Variants in EFCAB6 observed in about 807,000 individuals in gnomAD.
EFCAB6 encodes the protein EF-hand calcium-binding domain-containing protein 6.
A neutral mutation model predicts 169.8 loss-of-function variants in EFCAB6; 156 were observed. That is an observed-to-expected ratio of 0.92 (90% CI 0.81 to 1.05). The LOEUF (loss-of-function observed/expected upper bound fraction) is 1.05, where lower values mean the gene tolerates loss of function less well. EFCAB6 is among the 50% of genes least tolerant of loss of function. The pLI is 0.00. For synonymous variants in EFCAB6, 698 were observed against 676.4 expected (o/e 1.03, Z -0.50); for missense variants, 1,800 against 1,829.1 (o/e 0.98, Z 0.29).
intron 26 of EFCAB6, among the ~76,000 whole-genome samples, chr22:43,575,040 C>T (rs185011497): frequency 6.6e-6 from 1 of 152,280 alleles, no homozygotes; most frequent in East Asian, 1.9e-4. Flanking sequence ...CACAAGGAGA[C>T]AAGCACAGAA....
intron 17 of EFCAB6, among the ~76,000 whole-genome samples, chr22:43,644,192 G>A (rs1209510602): frequency 1.3e-5 from 2 of 152,072 alleles, no homozygotes; most frequent in Non-Finnish European, 2.9e-5. Flanking sequence ...GTGACCAAAC[G>A]GAAGGGACAG....
At chr22:43,730,026 T>C (rs1329476556) in intron 8 of EFCAB6, among the ~76,000 whole-genome samples, 1 of 149,972 alleles carries the variant, frequency 6.7e-6, no homozygotes, top group Non-Finnish European at 1.5e-5. Context: ...TAGCCAGGCA[T>C]GGTGGTGCAT....
chr22:43,578,391 G>A (rs1012931384), intron 25 of EFCAB6, among the ~76,000 whole-genome samples: 2 of 152,220 alleles, frequency 1.3e-5, no homozygotes, highest in Non-Finnish European at 2.9e-5. Flanking sequence ...GAGGTGTTGA[G>A]TGGATCTTTC....
chr22:43,589,729 A>T (rs1242579167), intron 24 of EFCAB6, among the ~76,000 whole-genome samples: 1 of 152,204 alleles, frequency 6.6e-6, no homozygotes, highest in Non-Finnish European at 1.5e-5. Context: ...CAGAGGTTGC[A>T]GTGAGCTGAG....
intron 17 of EFCAB6, among the ~76,000 whole-genome samples, chr22:43,659,229 C>T (rs1467949049): frequency 6.6e-6 from 1 of 152,138 alleles, no homozygotes; most frequent in Non-Finnish European, 1.5e-5. Flanking sequence ...TGTGTTTTTC[C>T]CCCTCACATA....
rs2054690827 is a variant in EFCAB6 at position 43,628,533 on chromosome 22, T to C, written c.2233-1854A>G. Among the ~76,000 whole-genome samples, 1 of 152,072 alleles carries C rather than the reference T, an allele frequency of 6.6e-6. No individual in the cohort carries two copies. The highest frequency in any genetic ancestry group is 6.5e-5 in the Admixed American group (1 of 15,276). On this transcript the variant is annotated intron_variant, in intron 19 of 31. Transcript: ENST00000262726. This position sits in a 1 kb window ranked among gnomAD's most constrained non-coding sequence, Gnocchi z 4.8. ...ATGAGGCGCCTCTGCTCAACCCCCT[T>C]GACTCTCCTTCTCACTCAGAGTCCA...
At chr22:43,678,264 G>T in intron 12 of EFCAB6, 101 bp from the exon 13 acceptor site, 1 of 1,197,748 alleles carries the variant, frequency 8.3e-7, no homozygotes, top group Non-Finnish European at 1.2e-6. Flanking sequence ...AGCGAGCTTT[G>T]GCCAAATAGA....
At chr22:43,808,341 T>A (rs867078280) in intron 2 of EFCAB6, among the ~76,000 whole-genome samples, 4 of 152,324 alleles carry the variant, frequency 2.6e-5, no homozygotes, top group Non-Finnish European at 4.4e-5. Context: ...CTCCCACAGA[T>A]ACTGAGGGAC....
chr22:43,686,793 C>T (rs531877393), intron 11 of EFCAB6, among the ~76,000 whole-genome samples: 1 of 152,084 alleles, frequency 6.6e-6, no homozygotes, highest in Non-Finnish European at 1.5e-5. Context: ...GATTATAAAG[C>T]CTGTTTTTTT....
chr22:43,811,222 G>A (rs2063106707), intron 1 of EFCAB6, among the ~76,000 whole-genome samples: 1 of 150,614 alleles, frequency 6.6e-6, no homozygotes. Flanking sequence ...GGAGGTTGCA[G>A]TGAGCTGGGA....
At chr22:43,772,168 T>G (rs1366602979) in intron 4 of EFCAB6, among the ~76,000 whole-genome samples, 1 of 152,192 alleles carries the variant, frequency 6.6e-6, no homozygotes, top group African/African-American at 2.4e-5. Flanking sequence ...AGTGTCTCAC[T>G]GGGCTGGGAG....
At chr22:43,631,793 T>C (rs1197423461) in intron 19 of EFCAB6, among the ~76,000 whole-genome samples, 1 of 152,038 alleles carries the variant, frequency 6.6e-6, no homozygotes, top group African/African-American at 2.4e-5. Flanking sequence ...AATGAGGGAA[T>C]GGATGAACGC....
At chr22:43,726,175 C>T (rs1308767928) in intron 8 of EFCAB6, among the ~76,000 whole-genome samples, 1 of 133,024 alleles carries the variant, frequency 7.5e-6, no homozygotes, top group African/African-American at 2.8e-5. Flanking sequence ...AATGCAAAAA[C>T]AAAAAAAGGG....
In EFCAB6 at chr22:43,753,631, G is replaced by A. The variant is rs567684615; in HGVS notation, c.507+2135C>T. 8.5e-5 allele frequency among the ~76,000 whole-genome samples: 13 copies of A among 152,322 alleles called. No homozygotes were observed. In the South Asian group the frequency reaches 1.7e-3, roughly 19 times the overall value. ...ACTGGATAAGAGCATGAACATGAGC[G>A]TCGGTTGGAGGGTCTGAGGGCCTGT... is the stretch of plus-strand genomic sequence containing the variant. On this transcript the variant is annotated intron_variant, in intron 6 of 31. Coordinates refer to ENST00000262726, the MANE Select transcript of EFCAB6 (RefSeq NM_022785.4).
intron 25 of EFCAB6, among the ~76,000 whole-genome samples, chr22:43,578,469 T>A (rs954213926): frequency 2.6e-5 from 4 of 152,088 alleles, no homozygotes; most frequent in Non-Finnish European, 5.9e-5. Context: ...CGACGCTGCC[T>A]TGTTCTCTTC....
At chr22:43,724,534 A>AT (rs934169102) in intron 8 of EFCAB6, among the ~76,000 whole-genome samples, 1 of 151,408 alleles carries the variant, frequency 6.6e-6, no homozygotes, top group Non-Finnish European at 1.5e-5. Flanking sequence ...CGCCCAGCTA[A>AT]TTTTTTTATA....
intron 4 of EFCAB6, among the ~76,000 whole-genome samples, chr22:43,766,622 C>A (rs1448401398): frequency 6.6e-6 from 1 of 151,972 alleles, no homozygotes; most frequent in African/African-American, 2.4e-5. Flanking sequence ...TCAAGCAATT[C>A]TCCTGCCTCA....
At chr22:43,742,953 G>A (rs1031134257) in intron 6 of EFCAB6, among the ~76,000 whole-genome samples, 1 of 152,228 alleles carries the variant, frequency 6.6e-6, no homozygotes, top group Non-Finnish European at 1.5e-5. Flanking sequence ...TGCCTGGAGA[G>A]CAAGGCTGGG....
chr22:43,572,865 G>A lies in EFCAB6; in HGVS notation c.3420+3432C>T, dbSNP rs780108275. Among the ~76,000 whole-genome samples the A allele has an allele frequency of 2.0e-5, 3 of 152,244 alleles. No individual in the cohort carries two copies. Among genetic ancestry groups the A allele is most frequent in the African/African-American group, 4.8e-5 (2 of 41,458 alleles). On this transcript the variant is annotated intron_variant, in intron 26 of 31. Coordinates refer to ENST00000262726, the MANE Select transcript of EFCAB6 (RefSeq NM_022785.4). The surrounding 1 kb of genome is among the most constrained non-coding windows in gnomAD (Gnocchi z 4.0). ...TGCTAAACCTGGCACCCAGCTCAGC[G>A]CCTGGTACACATGGGCCATAGGAAA...
Sources: gnomAD v4.1 joint callset for allele counts (sites outside exome capture counted in the v4.1 genomes callset) on GRCh38, gnomAD v4.1.1 for gene constraint, Gnocchi (gnomAD v3.1) non-coding constraint, MANE v1.5 for transcripts, NCBI Gene and HGNC (gene_info 2026-07-23, HGNC 2026-07-21) for gene names.